KLRF1: variants seen among roughly 807,000 people sequenced by gnomAD.
The protein encoded by KLRF1 is killer cell lectin-like receptor subfamily F member 1.
KLRF1 carries 27 observed loss-of-function variants against 30.7 expected under a neutral mutation model. The ratio of observed to expected loss-of-function variants is 0.88; its 90% CI spans 0.65 to 1.21. The LOEUF is 1.21. Among genes scored for constraint, KLRF1 ranks in the 50% most tolerant of loss-of-function variants. KLRF1 has a pLI of 0.00. For synonymous variants in KLRF1, 92 were observed against 89.3 expected, an observed-to-expected ratio of 1.03 and a Z score of -0.17; for missense variants, 246 against 259.3, an observed-to-expected ratio of 0.95 and a Z score of 0.35.
At position 9,835,810 on chromosome 12, in the gene KLRF1, G is replaced by C. The variant is rs146027766; in HGVS notation, c.334+2358G>C. 6.4e-3 allele frequency among the ~76,000 whole-genome samples: 971 copies of C among 152,146 alleles called. 11 individuals carry two copies. Among genetic ancestry groups the C allele is most frequent in the African/African-American group, 0.022 (930 of 41,498 alleles). On this transcript the variant is annotated intron_variant, in intron 3 of 5. Transcript: ENST00000617889. ...ATAGGAATAGTAGTTTGTGTTGTGA[G>C]AGGTCCAAATATGGGGGGAGTAGAG...
intron 3 of KLRF1, among the ~76,000 whole-genome samples, chr12:9,834,401 G>A (rs983571603): frequency 8.6e-5 from 13 of 150,960 alleles, no homozygotes; most frequent in African/African-American, 2.4e-4. Flanking sequence ...TTGGGGCAGC[G>A]AAAAAAAAAT....
chr12:9,804,841 T>A, the KLRF1 span, among the ~76,000 whole-genome samples: 1 of 152,146 alleles, frequency 6.6e-6, no homozygotes. Context: ...GTTTTCAGCA[T>A]AGAAGAGTGT....
At chr12:9,816,918 A>G in the KLRF1 span, among the ~76,000 whole-genome samples, 3 of 151,682 alleles carry the variant, frequency 2.0e-5, no homozygotes, top group Non-Finnish European at 4.4e-5. Context: ...TATTTTTATT[A>G]GAGATGGGGT....
the KLRF1 span, among the ~76,000 whole-genome samples, chr12:9,816,797 G>A: frequency 6.7e-6 from 1 of 148,714 alleles, no homozygotes; most frequent in Non-Finnish European, 1.5e-5. Flanking sequence ...GCAGTGGCGC[G>A]ATCTCGGCTC....
chr12:9,834,698 C>T (rs1291484113), intron 3 of KLRF1, among the ~76,000 whole-genome samples: 2 of 152,052 alleles, frequency 1.3e-5, no homozygotes, highest in Non-Finnish European at 2.9e-5. Flanking sequence ...ATTGGGAGGA[C>T]CCAGTACATC....
intron 3 of KLRF1, among the ~76,000 whole-genome samples, chr12:9,836,478 C>T (rs1011154379): frequency 1.3e-5 from 2 of 152,158 alleles, no homozygotes; most frequent in African/African-American, 2.4e-5. Flanking sequence ...GCAGGGGACC[C>T]TCCAATACTT....
chr12:9,811,847 A>G, the KLRF1 span, among the ~76,000 whole-genome samples: 2 of 152,216 alleles, frequency 1.3e-5, no homozygotes, highest in Non-Finnish European at 2.9e-5. Context: ...GTGAATACTT[A>G]TGAATATTCA....
At chr12:9,831,445 A>G (rs1408854373) in intron 1 of KLRF1, among the ~76,000 whole-genome samples, 2 of 152,176 alleles carry the variant, frequency 1.3e-5, no homozygotes, top group Non-Finnish European at 2.9e-5. Context: ...TTAGAATATA[A>G]ATTTCAGCAT....
At chr12:9,805,795 G>A in the KLRF1 span, among the ~76,000 whole-genome samples, 1 of 151,708 alleles carries the variant, frequency 6.6e-6, no homozygotes. Flanking sequence ...AATCTAATTT[G>A]TAATACTTGA....
upstream of KLRF1, among the ~76,000 whole-genome samples, chr12:9,826,388 T>C (rs1382840335): frequency 3.3e-5 from 5 of 152,130 alleles, no homozygotes; most frequent in Non-Finnish European, 7.4e-5. Flanking sequence ...TAACAGATGC[T>C]GATGAGGTAG....
chr12:9,818,842 T>C, the KLRF1 span, among the ~76,000 whole-genome samples: 1 of 152,224 alleles, frequency 6.6e-6, no homozygotes, highest in Admixed American at 6.5e-5. Flanking sequence ...TAGAAGCAGC[T>C]AGTGTGTGCT....
chr12:9,817,617 C>T, the KLRF1 span: 3 of 301,320 alleles, frequency 1.0e-5, no homozygotes, highest in Admixed American at 4.5e-5. Flanking sequence ...TGAAGGTCCA[C>T]GGTTTTTCTG....
At chr12:9,834,653 AAAG>A (rs762851465) in intron 3 of KLRF1, among the ~76,000 whole-genome samples, 3 of 152,104 alleles carry the variant, frequency 2.0e-5, no homozygotes, top group Non-Finnish European at 4.4e-5. Flanking sequence ...GGTCCGAATA[AAAG>A]AAGGAGAAAA....
Position 9,844,771 on chromosome 12 carries a change from A to T in KLRF1, c.*245A>T, listed in dbSNP as rs1420960189. On this transcript the variant is annotated 3_prime_UTR_variant, in exon 6 of 6. Transcript: ENST00000617889. The stretch of plus-strand genomic sequence containing the variant: ...GTGACTTCATGTGATCATATCCAGG[A>T]TTTTTATTCGTCGCTTATTTTATGC... The T allele has an allele frequency of 1.7e-5, 4 of 231,744 alleles. No homozygotes were observed. In the East Asian group the frequency reaches 3.3e-4, roughly 19 times the overall value. 14.4% of individuals were successfully genotyped at this position (231,744 alleles called of 1,614,324 possible).
intron 3 of KLRF1, among the ~76,000 whole-genome samples, chr12:9,841,145 G>A (rs1867692494): frequency 6.6e-6 from 1 of 152,104 alleles, no homozygotes; most frequent in Non-Finnish European, 1.5e-5. Flanking sequence ...AAATGAATGA[G>A]ATCATGTTCT....
chr12:9,844,416 A>G lies in KLRF1; in HGVS notation c.588-2A>G. On this transcript the variant is annotated splice_acceptor_variant, in intron 5 of 5. Coordinates refer to ENST00000617889, the MANE Select transcript of KLRF1 (RefSeq NM_016523.3). LOFTEE classifies it high-confidence loss of function. ...ACAAAGTATTTATTCTCTCTTCCCT[A>G]GATTCTTCATAAAGGGACCAGCTAA... The G allele has an allele frequency of 1.3e-6, 2 of 1,520,944 alleles. No homozygotes were observed. The highest frequency in any genetic ancestry group is 1.8e-6 in the Non-Finnish European group (2 of 1,096,510). 94.2% of individuals were successfully genotyped at this position (1,520,944 alleles called of 1,614,324 possible).
At position 9,841,793 on chromosome 12, in the gene KLRF1, T is replaced by A. The variant is rs746385494; in HGVS notation, c.335-19T>A. ...CATATGTAATTTAATTTCATTTTGT[T>A]TTCTACATTTCTCTGTAGTACTATG... On this transcript the variant is annotated intron_variant, in intron 3 of 5. Coordinates refer to ENST00000617889, the MANE Select transcript of KLRF1 (RefSeq NM_016523.3). 2.5e-6 allele frequency: 4 copies of A among 1,578,364 alleles called. No individual in the cohort carries two copies. In the African/African-American group the frequency reaches 5.5e-5, roughly 22 times the overall value.
the KLRF1 span, among the ~76,000 whole-genome samples, chr12:9,806,394 A>G: frequency 3.3e-5 from 5 of 152,004 alleles, no homozygotes; most frequent in Non-Finnish European, 7.4e-5. Flanking sequence ...AGGAAGACAT[A>G]ATTTATATGA....
the KLRF1 span, among the ~76,000 whole-genome samples, chr12:9,819,200 T>A: frequency 6.6e-6 from 1 of 152,120 alleles, no homozygotes; most frequent in South Asian, 2.1e-4. Context: ...CGCAGAGCCC[T>A]GGGAGCCTTA....
Sources: gnomAD v4.1 joint callset for allele counts (sites outside exome capture counted in the v4.1 genomes callset) on GRCh38, gnomAD v4.1.1 for gene constraint, MANE v1.5 for transcripts, NCBI Gene and HGNC (gene_info 2026-07-23, HGNC 2026-07-21) for gene names.